Variants in PCDHGA10 observed in about 807,000 individuals in gnomAD.
The protein encoded by PCDHGA10 is protocadherin gamma subfamily A, 10.
PCDHGA10 carries 42 observed loss-of-function variants against 59.5 expected under a neutral mutation model. The observed-to-expected ratio is 0.71, with a 90% CI of 0.55 to 0.91. The LOEUF is 0.91. PCDHGA10 is among the 40% of genes least tolerant of loss of function. PCDHGA10 has a pLI of 0.00. For missense variants in PCDHGA10, 1,111 were observed against 1,198.2 expected (o/e 0.93, Z 1.07); for synonymous variants, 511 against 517.2 (o/e 0.99, Z 0.16).
chr5:141,482,503 C>A (rs375429072), intron 1 of PCDHGA10, among the ~76,000 whole-genome samples: 2 of 136,154 alleles, frequency 1.5e-5, no homozygotes, highest in South Asian at 4.4e-4. Context: ...CATTCTGGTA[C>A]CCAGAGTACA....
At chr5:141,483,555 C>CAG (rs1415499107) in intron 1 of PCDHGA10, among the ~76,000 whole-genome samples, 2 of 152,152 alleles carry the variant, frequency 1.3e-5, no homozygotes, top group African/African-American at 4.8e-5. Flanking sequence ...GTGCCATTCA[C>CAG]AGAGACAGTG....
intron 2 of PCDHGA10, among the ~76,000 whole-genome samples, chr5:141,502,947 G>A (rs933409229): frequency 3.0e-4 from 45 of 151,030 alleles, no homozygotes; most frequent in Admixed American, 1.8e-3. Context: ...GGGTTCAAGC[G>A]ATTCTCCTGC....
chr5:141,480,407 C>T (rs906445993), intron 1 of PCDHGA10, among the ~76,000 whole-genome samples: 1 of 139,782 alleles, frequency 7.2e-6, no homozygotes, highest in Admixed American at 7.0e-5. Context: ...AGAGTGAGAC[C>T]CTGTCTCAAA....
intron 1 of PCDHGA10, chr5:141,478,197 T>G (rs2099437910): frequency 6.2e-7 from 1 of 1,613,956 alleles, no homozygotes; most frequent in Admixed American, 1.7e-5. Context: ...ACCTTTTATC[T>G]ACTTCTTTCT....
intron 1 of PCDHGA10, chr5:141,421,308 C>T: frequency 6.2e-7 from 1 of 1,613,678 alleles, no homozygotes; most frequent in Non-Finnish European, 8.5e-7. Flanking sequence ...TGCGGGGGTT[C>T]CGGGCCAGGC....
At position 141,486,027 on chromosome 5, in the gene PCDHGA10, C is replaced by A. The variant is rs2099623152; in HGVS notation, c.2437-8780C>A. 2 of 1,614,048 alleles carry A rather than the reference C, an allele frequency of 1.2e-6. No individual in the cohort carries two copies. Among genetic ancestry groups the A allele is most frequent in the African/African-American group, 2.7e-5 (2 of 74,912 alleles). On this transcript the variant is annotated intron_variant, in intron 1 of 3. Coordinates refer to ENST00000398610, the MANE Select transcript of PCDHGA10 (RefSeq NM_018913.3). The surrounding 1 kb of genome is among the most constrained non-coding windows in gnomAD (Gnocchi z 5.0). ...GTCACCTTTTATTTCAGTGGTCATA[C>A]CCCTGATCGTGTAAGAAACCTCTTT...
chr5:141,419,741 A>C (rs769795920), intron 1 of PCDHGA10: 2 of 1,613,856 alleles, frequency 1.2e-6, no homozygotes, highest in Admixed American at 1.7e-5. Context: ...CGAGGTGCGC[A>C]TGGTGCGTGC....
At chr5:141,445,732 A>G (rs2098475548) in intron 1 of PCDHGA10, among the ~76,000 whole-genome samples, 1 of 152,230 alleles carries the variant, frequency 6.6e-6, no homozygotes, top group African/African-American at 2.4e-5. Context: ...ATGTGTAAAG[A>G]TCTTTTTAAA....
In PCDHGA10 at chr5:141,415,645, A is replaced by T. The variant is rs200555070; in HGVS notation, c.2436+34A>T. On this transcript the variant is annotated intron_variant, in intron 1 of 3. Transcript: ENST00000398610. The stretch of plus-strand genomic sequence containing the variant: ...TATTTTCATTTTTACTTTTGTTAAA[A>T]AAAAAAAGATTGGTTTTTACTTTGA... The T allele has an allele frequency of 3.5e-3, 5,682 of 1,600,720 alleles. 22 individuals carry two copies. The highest frequency in any genetic ancestry group is 5.0e-3 in the Middle Eastern group (30 of 6,044).
intron 1 of PCDHGA10, chr5:141,427,689 A>C (rs3749765): frequency 0.15 from 132,103 of 873,882 alleles, 11,769 homozygotes; most frequent in African/African-American, 0.33. Flanking sequence ...CGGAGCCTCC[A>C]TCCCACAAGT....
At chr5:141,423,173 A>T (rs2096717258) in intron 1 of PCDHGA10, 1 of 1,613,330 alleles carries the variant, frequency 6.2e-7, no homozygotes, top group South Asian at 1.1e-5. Flanking sequence ...GCCGTCCAGG[A>T]CCACGGCCAG....
Position 141,485,684 on chromosome 5 carries a change from A to T in PCDHGA10, c.2437-9123A>T, listed in dbSNP as rs746176226. On this transcript the variant is annotated intron_variant, in intron 1 of 3. Transcript: ENST00000398610. The surrounding 1 kb of genome is among the most constrained non-coding windows in gnomAD (Gnocchi z 5.7). ...GGGGAGCAATTCGATTAGCAGCTAT[A>T]GGCTGAGCTCCAATGAACACTTTGC... 1 of 1,614,056 alleles carries T rather than the reference A, an allele frequency of 6.2e-7. No homozygotes were observed. The highest frequency in any genetic ancestry group is 1.1e-5 in the South Asian group (1 of 91,082).
At chr5:141,473,343 T>G (rs1309426537) in intron 1 of PCDHGA10, among the ~76,000 whole-genome samples, 1 of 152,218 alleles carries the variant, frequency 6.6e-6, no homozygotes, top group African/African-American at 2.4e-5. Context: ...TGCTAGACAG[T>G]GAGGATGCAA....
chr5:141,494,674 C>A lies in PCDHGA10; in HGVS notation c.2437-133C>A, dbSNP rs532644387. ...ATTTTGTCTTTGGAGATGAGTCCAC[C>A]CCTGCCCCCTCTTAGTCCGTTTTCT... is the stretch of plus-strand genomic sequence containing the variant. On this transcript the variant is annotated intron_variant, in intron 1 of 3. Transcript: ENST00000398610. 3.4e-5 allele frequency: 53 copies of A among 1,545,802 alleles called. No homozygotes were observed. In the African/African-American group the frequency reaches 6.5e-4, roughly 19 times the overall value.
At chr5:141,415,772 T>TTTTTTTTG in intron 1 of PCDHGA10, 161 bp downstream of exon 1, 1 of 1,332,986 alleles carries the variant, frequency 7.5e-7, no homozygotes. Context: ...TTTTTTTTTT[T>TTTTTTTTG]ACTTTCTGGT....
In PCDHGA10 at chr5:141,485,042, C is replaced by T; in HGVS notation, c.2437-9765C>T. ...CAGCAAAAACGGCGCGTAACCCTTGCGGCGCCGGCCGAACCGCGCCAGAGC... is the reference window on the plus strand; with the variant it reads ...CAGCAAAAACGGCGCGTAACCCTTGTGGCGCCGGCCGAACCGCGCCAGAGC... On this transcript the variant is annotated intron_variant, in intron 1 of 3. Coordinates refer to ENST00000398610, the MANE Select transcript of PCDHGA10 (RefSeq NM_018913.3). This position sits in a 1 kb window ranked among gnomAD's most constrained non-coding sequence, Gnocchi z 5.7. 1 of 724,054 alleles carries T rather than the reference C, an allele frequency of 1.4e-6. No individual in the cohort carries two copies. Among genetic ancestry groups the T allele is most frequent in the South Asian group, 1.8e-5 (1 of 56,650 alleles). 44.9% of individuals were successfully genotyped at this position (724,054 alleles called of 1,614,324 possible). A position where few individuals can be genotyped will look rare whatever the true frequency, so the allele number is the denominator to read the frequency against.
At chr5:141,482,530 C>CAAAAAAAAAAAAAAA (rs3074545) in intron 1 of PCDHGA10, among the ~76,000 whole-genome samples, 1 of 76,562 alleles carries the variant, frequency 1.3e-5, no homozygotes, top group African/African-American at 4.8e-5. Flanking sequence ...GACAGACATG[C>CAAAAAAAAAAAAAAA]AAAAAAAAAA....
At chr5:141,499,606 C>T (rs2099792968) in intron 2 of PCDHGA10, among the ~76,000 whole-genome samples, 1 of 152,028 alleles carries the variant, frequency 6.6e-6, no homozygotes, top group African/African-American at 2.4e-5. Context: ...TATCCCTACC[C>T]TTATCCTGTC....
rs747268184 is a variant in PCDHGA10, at chr5:141,489,769, C to A, written c.2437-5038C>A. On this transcript the variant is annotated intron_variant, in intron 1 of 3. Coordinates refer to ENST00000398610, the MANE Select transcript of PCDHGA10 (RefSeq NM_018913.3). This position sits in a 1 kb window ranked among gnomAD's most constrained non-coding sequence, Gnocchi z 4.5. ...CTTTTACACTCTAAGCCCCAACAGC[C>A]ACTTCTCTCTGAATGTGAAGACCCT... The A allele has an allele frequency of 6.2e-7, 1 of 1,614,156 alleles. No individual in the cohort carries two copies. The highest frequency in any genetic ancestry group is 1.1e-5 in the South Asian group (1 of 91,080).
Sources: allele counts gnomAD v4.1 joint callset (sites outside exome capture counted in the v4.1 genomes callset), GRCh38; gene constraint gnomAD v4.1.1; non-coding constraint Gnocchi (gnomAD v3.1); transcripts MANE v1.5; gene names NCBI Gene and HGNC (gene_info 2026-07-23, HGNC 2026-07-21).